SCGB3A1: variants seen among roughly 807,000 people sequenced by gnomAD.
The protein encoded by SCGB3A1 is secretoglobin family 3A member 1, also known as cytokine HIN-1.
In SCGB3A1, 7 loss-of-function variants were observed where a neutral mutation model predicts 7.6. The ratio of observed to expected loss-of-function variants is 0.93; its 90% CI spans 0.53 to 1.74. The LOEUF is 1.74. Ranked by LOEUF, SCGB3A1 falls within the 40% of genes most tolerant of loss-of-function variation. The pLI is 0.00. For synonymous variants in SCGB3A1, 67 were observed against 66.6 expected, an observed-to-expected ratio of 1.01 and a Z score of -0.03; for missense variants, 119 against 129.0, an observed-to-expected ratio of 0.92 and a Z score of 0.38.
Position 180,590,924 on chromosome 5 carries a change from A to T in SCGB3A1, c.53-86T>A, listed in dbSNP as rs528151303. 5.9e-6 allele frequency: 6 copies of T among 1,010,522 alleles called. No individual in the cohort carries two copies. The South Asian group carries it at 1.0e-4, about 17-fold the overall frequency. The allele number at this position is 1,010,522 out of a possible 1,614,324, so 62.6% of individuals were successfully genotyped here. A position where few individuals can be genotyped will look rare whatever the true frequency, so the allele number is the denominator to read the frequency against. On this transcript the variant is annotated intron_variant, in intron 1 of 2. Transcript: ENST00000292641. ...GGACGCGCCCCCGCGGGAGGCGCCC[A>T]GGAACCGTCGCGCCCTGCCCGGCTC...
At chr5:180,591,309 G>A (rs1356545760) in intron 1 of SCGB3A1, 102 bp downstream of exon 1, 35 of 999,418 alleles carry the variant, frequency 3.5e-5, no homozygotes, top group Non-Finnish European at 4.3e-5. Context: ...GGGCGAGGCT[G>A]GAAGGACCTG....
Position 180,590,195 on chromosome 5 carries a change from C to T in SCGB3A1, c.*36G>A, listed in dbSNP as rs375543558. 5.8e-5 allele frequency: 91 copies of T among 1,573,844 alleles called. No homozygotes were observed. The highest frequency in any genetic ancestry group is 6.8e-5 in the Non-Finnish European group (79 of 1,159,196). On this transcript the variant is annotated 3_prime_UTR_variant, in exon 3 of 3. Transcript: ENST00000292641. ...GTTTTCAGCCCTCGCGGGTGGGCAG[C>T]GTCTTGTCCTCAGGTGTAGATGCTC... is the stretch of plus-strand genomic sequence containing the variant.
At position 180,590,752 on chromosome 5, in the gene SCGB3A1, GGGT is replaced by G. The variant is rs748494183; in HGVS notation, c.136_138del (p.Thr46del). The stretch of plus-strand genomic sequence containing the variant: ...TTGAGGGTGCCGAGGGGGTTGGCCA[GGGT>G]CCCGGCCCCGGCCTCCGCCGCCGAC... On this transcript the variant is annotated inframe_deletion, in exon 2 of 3. Transcript: ENST00000292641. 1.3e-6 allele frequency: 2 copies of G among 1,583,852 alleles called. No homozygotes were observed. Among genetic ancestry groups the G allele is most frequent in the Non-Finnish European group, 1.7e-6 (2 of 1,165,670 alleles).
rs754467945 is a variant in SCGB3A1 at position 180,590,234 on chromosome 5, G to T, written c.312C>A (p.Gly104=). The change falls in exon 3 of 3, where the codon GGC becomes GGA. Residue 104 remains glycine (G), a synonymous_variant. Coordinates refer to ENST00000292641, the MANE Select transcript of SCGB3A1 (RefSeq NM_052863.3). ...KALLGALTVF[G] Reference sequence around the variant, plus strand: ...GTGTAGATGCTCCAGTCTCGGCTCAGCCAAACACTGTCAGGGCCCCCTGGA... The same window carrying T: ...GTGTAGATGCTCCAGTCTCGGCTCATCCAAACACTGTCAGGGCCCCCTGGA... The T allele has an allele frequency of 6.3e-7, 1 of 1,582,918 alleles. No individual in the cohort carries two copies. The highest frequency in any genetic ancestry group is 8.6e-7 in the Non-Finnish European group (1 of 1,164,928).
At position 180,591,340 on chromosome 5, in the gene SCGB3A1, C is replaced by A. The variant is rs1761312055; in HGVS notation, c.52+71G>T. 3.5e-6 allele frequency: 4 copies of A among 1,136,226 alleles called. No homozygotes were observed. The East Asian group carries it at 1.4e-4, about 38-fold the overall frequency. The allele number at this position is 1,136,226 out of a possible 1,614,324, so 70.4% of individuals were successfully genotyped here. On this transcript the variant is annotated intron_variant, in intron 1 of 2. Coordinates refer to ENST00000292641, the MANE Select transcript of SCGB3A1 (RefSeq NM_052863.3). ...ACCTGGGATCCACGATCGGCGCAGG[C>A]AGCGGCGGGGGCGCAGCGGGCGCCG...
rs536283333 is a variant in SCGB3A1 at position 180,591,029 on chromosome 5, C to G, written c.53-191G>C. 47 of 528,326 alleles carry G rather than the reference C, an allele frequency of 8.9e-5. No individual in the cohort carries two copies. In the African/African-American group the frequency reaches 9.4e-4, roughly 11 times the overall value. 32.7% of individuals were successfully genotyped at this position (528,326 alleles called of 1,614,324 possible). On this transcript the variant is annotated intron_variant, in intron 1 of 2. Transcript: ENST00000292641. ...ACAGGCGGGTCTGGGGAGGCGGCCC[C>G]GCCAGGAGACGCTGCAGGGTCACCG...
In SCGB3A1 at chr5:180,590,234, G is replaced by A. The variant is rs754467945; in HGVS notation, c.312C>T (p.Gly104=). 5 of 1,582,918 alleles carry A rather than the reference G, an allele frequency of 3.2e-6. No homozygotes were observed. In the Admixed American group the frequency reaches 7.3e-5, roughly 23 times the overall value. The change falls in exon 3 of 3, where the codon GGC becomes GGT. Residue 104 remains glycine (G), a synonymous_variant. Coordinates refer to ENST00000292641, the MANE Select transcript of SCGB3A1 (RefSeq NM_052863.3). ...GTGTAGATGCTCCAGTCTCGGCTCA[G>A]CCAAACACTGTCAGGGCCCCCTGGA... ...KALLGALTVF[G]
In SCGB3A1 at chr5:180,590,156, C is replaced by G; in HGVS notation, c.*75G>C. 6.7e-7 allele frequency: 1 copy of G among 1,500,804 alleles called. No individual in the cohort carries two copies. Among genetic ancestry groups the G allele is most frequent in the Non-Finnish European group, 9.1e-7 (1 of 1,098,248 alleles). 93.0% of individuals were successfully genotyped at this position (1,500,804 alleles called of 1,614,324 possible). A position where few individuals can be genotyped will look rare whatever the true frequency, so the allele number is the denominator to read the frequency against. On this transcript the variant is annotated 3_prime_UTR_variant, in exon 3 of 3. Coordinates refer to ENST00000292641, the MANE Select transcript of SCGB3A1 (RefSeq NM_052863.3). The stretch of plus-strand genomic sequence containing the variant: ...GGCCGGGGGAAGGGGATGGACGGTC[C>G]TCCCCGCGGCGGGGTTTTCAGCCCT...
Position 180,590,740 on chromosome 5 carries a change from G to T in SCGB3A1, c.151C>A (p.Leu51Ile). The T allele has an allele frequency of 6.3e-7, 1 of 1,583,384 alleles. No individual in the cohort carries two copies. Among genetic ancestry groups the T allele is most frequent in the Admixed American group, 1.8e-5 (1 of 55,510 alleles). Residue 51 changes from leucine to isoleucine, a missense_variant, in exon 2 of 3, where the codon CTC becomes ATC. Physicochemically the swap from Leu to Ile is conservative, Grantham distance 5. Transcript: ENST00000292641. Reference protein sequence around the residue: ...EAGAGTLANPLGTLNPLKLLL... With the variant: ...EAGAGTLANPIGTLNPLKLLL... The stretch of plus-strand genomic sequence containing the variant: ...AGCTTCAGCGGGTTGAGGGTGCCGA[G>T]GGGGTTGGCCAGGGTCCCGGCCCCG...
chr5:180,590,413 G>A (rs974871355), intron 2 of SCGB3A1, among the ~76,000 whole-genome samples, 159 bp from the exon 3 acceptor site: 1 of 152,192 alleles, frequency 6.6e-6, no homozygotes, highest in African/African-American at 2.4e-5. Context: ...CGCCTTCCCC[G>A]CCCCTGCAGC....
Position 180,590,164 on chromosome 5 carries a change from G to A in SCGB3A1, c.*67C>T. ...GAAGGGGATGGACGGTCCTCCCCGC[G>A]GCGGGGTTTTCAGCCCTCGCGGGTG... On this transcript the variant is annotated 3_prime_UTR_variant, in exon 3 of 3. Transcript: ENST00000292641. 1.3e-6 allele frequency: 2 copies of A among 1,534,630 alleles called. No individual in the cohort carries two copies. The highest frequency in any genetic ancestry group is 1.2e-5 in the South Asian group (1 of 84,222).
At chr5:180,590,394 G>A in intron 2 of SCGB3A1, 140 bp from the exon 3 acceptor site, 1 of 1,183,414 alleles carries the variant, frequency 8.5e-7, no homozygotes, top group Admixed American at 2.4e-5. Flanking sequence ...ACCCGCGCGG[G>A]GCCATCTCCG....
At chr5:180,590,945 G>A in intron 1 of SCGB3A1, 107 bp from the exon 2 acceptor site, 1 of 791,696 alleles carries the variant, frequency 1.3e-6, no homozygotes, top group Admixed American at 3.2e-5. Context: ...CGCCCTGCCC[G>A]GCTCCCCGAC....
chr5:180,590,911 G>A (rs905707510), intron 1 of SCGB3A1, 73 bp from the exon 2 acceptor site: 6 of 1,146,478 alleles, frequency 5.2e-6, no homozygotes, highest in Admixed American at 2.5e-5. Flanking sequence ...ACGCGCCCCC[G>A]CGGGAGGCGC....
At position 180,590,196 on chromosome 5, in the gene SCGB3A1, G is replaced by A. The variant is rs563238047; in HGVS notation, c.*35C>T. On this transcript the variant is annotated 3_prime_UTR_variant, in exon 3 of 3. Coordinates refer to ENST00000292641, the MANE Select transcript of SCGB3A1 (RefSeq NM_052863.3). ...TTTTCAGCCCTCGCGGGTGGGCAGC[G>A]TCTTGTCCTCAGGTGTAGATGCTCC... 8 of 1,574,838 alleles carry A rather than the reference G, an allele frequency of 5.1e-6. No individual in the cohort carries two copies. In the African/African-American group the frequency reaches 5.4e-5, roughly 11 times the overall value.
At chr5:180,590,946 G>C in intron 1 of SCGB3A1, 108 bp from the exon 2 acceptor site, 1 of 777,650 alleles carries the variant, frequency 1.3e-6, no homozygotes. Context: ...GCCCTGCCCG[G>C]CTCCCCGACC....
Position 180,590,632 on chromosome 5 carries a change from C to T in SCGB3A1, c.259G>A (p.Val87Met), listed in dbSNP as rs555771839. Residue 87 changes from valine to methionine, a missense_variant, in exon 2 of 3, where the codon GTG (valine) becomes ATG (methionine). Physicochemically the swap from Val to Met is conservative, Grantham distance 21. Coordinates refer to ENST00000292641, the MANE Select transcript of SCGB3A1 (RefSeq NM_052863.3). The part of the protein sequence containing the change: ...KCVAELGPQA[V>M]GAVKALKALL... Reference sequence around the variant, plus strand: ...GCCTTCAGGGCCTTCACGGCCCCCACGGCCTGGGGACCCAGCTCAGCCACA... The same window carrying T: ...GCCTTCAGGGCCTTCACGGCCCCCATGGCCTGGGGACCCAGCTCAGCCACA... 6.2e-6 allele frequency: 10 copies of T among 1,602,100 alleles called. 1 individual carries two copies. The African/African-American group carries it at 1.2e-4, about 19-fold the overall frequency.
intron 1 of SCGB3A1, 160 bp from the exon 2 acceptor site, chr5:180,590,998 C>CG: frequency 1.8e-6 from 1 of 570,838 alleles, no homozygotes; most frequent in Non-Finnish European, 3.0e-6. Flanking sequence ...TGCGAGCCCC[C>CG]GGGACACAGG....
At position 180,590,355 on chromosome 5, in the gene SCGB3A1, G is replaced by A. The variant is rs1033391899; in HGVS notation, c.292-101C>T. On this transcript the variant is annotated intron_variant, in intron 2 of 2. Coordinates refer to ENST00000292641, the MANE Select transcript of SCGB3A1 (RefSeq NM_052863.3). The stretch of plus-strand genomic sequence containing the variant: ...GCTCTGTGGGGAGCGGGAGCGGGGC[G>A]GTTCCGCTGGCGTCTCCGGGGGACG... The A allele has an allele frequency of 4.8e-6, 7 of 1,471,996 alleles. No homozygotes were observed. The South Asian group carries it at 4.9e-5, about 10-fold the overall frequency. 91.2% of individuals were successfully genotyped at this position (1,471,996 alleles called of 1,614,324 possible).
Sources: allele counts gnomAD v4.1 joint callset (sites outside exome capture counted in the v4.1 genomes callset), GRCh38; gene constraint gnomAD v4.1.1; transcripts MANE v1.5; gene names NCBI Gene and HGNC (gene_info 2026-07-23, HGNC 2026-07-21).